The following CHRNA9 variants were observed in gnomAD, a reference collection of about 807,000 sequenced individuals.
The protein encoded by CHRNA9 is cholinergic receptor nicotinic alpha 9 subunit, also known as neuronal acetylcholine receptor subunit alpha-9.
CHRNA9 carries 24 observed loss-of-function variants against 36.8 expected under a neutral mutation model. The observed-to-expected ratio is 0.65, with a 90% CI of 0.47 to 0.92. The LOEUF is 0.92. Among genes scored for constraint, CHRNA9 ranks in the 40% least tolerant of loss-of-function variants. CHRNA9 has a pLI of 0.00. For synonymous variants in CHRNA9, 231 were observed against 231.8 expected, an observed-to-expected ratio of 1.00 and a Z score of 0.03; for missense variants, 610 against 601.2, an observed-to-expected ratio of 1.01 and a Z score of -0.15.
intron 3 of CHRNA9, among the ~76,000 whole-genome samples, chr4:40,339,456 G>A (rs1443979256): frequency 6.6e-6 from 1 of 151,336 alleles, no homozygotes; most frequent in Non-Finnish European, 1.5e-5. Flanking sequence ...GCCGAGGGGG[G>A]CGGATCATGA....
intron 3 of CHRNA9, among the ~76,000 whole-genome samples, chr4:40,343,228 AG>A (rs1485121493): frequency 6.6e-6 from 1 of 152,170 alleles, no homozygotes; most frequent in African/African-American, 2.4e-5. Flanking sequence ...AGAAGAGGAG[AG>A]GGGGCTGCCT....
At chr4:40,348,440 A>G (rs965992458) in intron 3 of CHRNA9, among the ~76,000 whole-genome samples, 1 of 152,250 alleles carries the variant, frequency 6.6e-6, no homozygotes, top group African/African-American at 2.4e-5. Context: ...ATAAACATGT[A>G]CAACTTTTAT....
Position 40,354,291 on chromosome 4 carries a change from TG to T in CHRNA9, c.1214del (p.Gly405AlafsTer20), listed in dbSNP as rs1712890050. On this transcript the variant is annotated frameshift_variant, in exon 5 of 5. Coordinates refer to ENST00000310169, the MANE Select transcript of CHRNA9 (RefSeq NM_017581.4). LOFTEE classifies it high-confidence loss of function. ...KDMNKRLKND[L>X]GCQGKNPQEA... ...ATGAACAAACGCTTAAAGAACGACCTGGGCTGCCAGGGTAAGAACCCTCAGG... is the reference window on the plus strand; with the variant it reads ...ATGAACAAACGCTTAAAGAACGACCTGGCTGCCAGGGTAAGAACCCTCAGG... The T allele has an allele frequency of 6.2e-7, 1 of 1,614,038 alleles. No homozygotes were observed. The highest frequency in any genetic ancestry group is 8.5e-7 in the Non-Finnish European group (1 of 1,180,034).
chr4:40,344,499 AC>A, intron 3 of CHRNA9, among the ~76,000 whole-genome samples: 1 of 151,074 alleles, frequency 6.6e-6, no homozygotes, highest in Non-Finnish European at 1.5e-5. Flanking sequence ...GCACCACTGC[AC>A]CCCAGCCTGG....
At chr4:40,347,633 G>C (rs574596361) in intron 3 of CHRNA9, among the ~76,000 whole-genome samples, 9 of 152,186 alleles carry the variant, frequency 5.9e-5, no homozygotes, top group African/African-American at 1.9e-4. Context: ...TGCAAAGATA[G>C]TGCAGAATTC....
intron 3 of CHRNA9, among the ~76,000 whole-genome samples, chr4:40,342,939 A>G (rs544013822): frequency 6.6e-6 from 1 of 152,034 alleles, no homozygotes; most frequent in African/African-American, 2.4e-5. Flanking sequence ...AGAGGGGGGA[A>G]CTTCTTTTTG....
chr4:40,354,596 T>A lies in CHRNA9; in HGVS notation c.*76T>A. 7.9e-7 allele frequency: 1 copy of A among 1,265,384 alleles called. No individual in the cohort carries two copies. The highest frequency in any genetic ancestry group is 1.1e-6 in the Non-Finnish European group (1 of 908,432). The allele number at this position is 1,265,384 out of a possible 1,614,324, so 78.4% of individuals were successfully genotyped here. On this transcript the variant is annotated 3_prime_UTR_variant, in exon 5 of 5. Transcript: ENST00000310169. ...GATCTATTCCAATGTTCTTCCAAGATTTTTGTTCATCTATAATTTAGGGGT... is the reference window on the plus strand; with the variant it reads ...GATCTATTCCAATGTTCTTCCAAGAATTTTGTTCATCTATAATTTAGGGGT...
intron 3 of CHRNA9, among the ~76,000 whole-genome samples, chr4:40,342,387 CA>C (rs34848297): frequency 1.3e-5 from 2 of 152,008 alleles, no homozygotes; most frequent in Non-Finnish European, 2.9e-5. Context: ...ATAGAGATGC[CA>C]AAAGCCCTTA....
rs370754900 is a variant in CHRNA9, at chr4:40,353,291, G to A, written c.899-688G>A. On this transcript the variant is annotated intron_variant, in intron 4 of 4. Transcript: ENST00000310169. ...AGATCTCTCAAGTTCAGGAGTTCGA[G>A]ACCAGCCTGGCCAAGATGGCGAAAC... Among the ~76,000 whole-genome samples, 18 of 152,292 alleles carry A rather than the reference G, an allele frequency of 1.2e-4. No individual in the cohort carries two copies. In the South Asian group the frequency reaches 3.5e-3, roughly 30 times the overall value.
chr4:40,348,053 G>C (rs576406973), intron 3 of CHRNA9: 1 of 152,380 alleles, frequency 6.6e-6, no homozygotes, highest in East Asian at 1.9e-4. Context: ...AGTGTTCAAG[G>C]CAGGAGGGAC....
At chr4:40,335,773 C>T in intron 1 of CHRNA9, 54 bp from the exon 2 acceptor site, 1 of 1,551,514 alleles carries the variant, frequency 6.4e-7, no homozygotes, top group Non-Finnish European at 8.8e-7. Flanking sequence ...TGTTGTTTGT[C>T]TTGAAATACA....
chr4:40,335,769 T>C, intron 1 of CHRNA9, 58 bp from the exon 2 acceptor site: 3 of 1,536,578 alleles, frequency 2.0e-6, no homozygotes, highest in Non-Finnish European at 2.7e-6. Flanking sequence ...CTTGTGTTGT[T>C]TGTCTTGAAA....
intron 3 of CHRNA9, among the ~76,000 whole-genome samples, chr4:40,340,916 G>A (rs1051432325): frequency 7.6e-6 from 1 of 131,940 alleles, no homozygotes; most frequent in African/African-American, 2.9e-5. Flanking sequence ...AACAAACAAC[G>A]TTCCAGAAGA....
At chr4:40,349,640 A>G in intron 4 of CHRNA9, 1 of 528,294 alleles carries the variant, frequency 1.9e-6, no homozygotes, top group East Asian at 3.0e-5. Context: ...AAGAGCAATG[A>G]AAGACATTAT....
intron 3 of CHRNA9, among the ~76,000 whole-genome samples, chr4:40,339,134 C>T (rs1712416559): frequency 6.6e-6 from 1 of 151,450 alleles, no homozygotes; most frequent in Non-Finnish European, 1.5e-5. Flanking sequence ...AAAAAATCAG[C>T]TGGGTGTGGT....
At chr4:40,335,798 T>G (rs755476861) in intron 1 of CHRNA9, 29 bp from the exon 2 acceptor site, 1 of 1,603,378 alleles carries the variant, frequency 6.2e-7, no homozygotes, top group Non-Finnish European at 8.5e-7. Flanking sequence ...ACACTCTGAA[T>G]GTTAATCCAG....
chr4:40,342,987 C>T (rs1712543603), intron 3 of CHRNA9, among the ~76,000 whole-genome samples: 1 of 152,036 alleles, frequency 6.6e-6, no homozygotes, highest in South Asian at 2.1e-4. Flanking sequence ...GTGAAAGAGA[C>T]ATTGGAGATG....
rs547732270 is a variant in CHRNA9, at chr4:40,340,985, A to G, written c.365+3621A>G. ...AAGATAAGCTCTCCAAAAAAAAAAA[A>G]AAAAAAAAGAACATTTCCCTAATAA... On this transcript the variant is annotated intron_variant, in intron 3 of 4. Transcript: ENST00000310169. 9.1e-4 allele frequency among the ~76,000 whole-genome samples: 138 copies of G among 151,766 alleles called. 1 individual carries two copies. Among genetic ancestry groups the G allele is most frequent in the African/African-American group, 3.2e-3 (131 of 41,372 alleles).
intron 3 of CHRNA9, among the ~76,000 whole-genome samples, chr4:40,342,251 C>T (rs1712518884): frequency 6.6e-6 from 1 of 152,052 alleles, no homozygotes. Flanking sequence ...CGAGGAGAAA[C>T]AGGTTTGGAA....
Sources: allele counts gnomAD v4.1 joint callset (sites outside exome capture counted in the v4.1 genomes callset), GRCh38; gene constraint gnomAD v4.1.1; transcripts MANE v1.5; gene names NCBI Gene and HGNC (gene_info 2026-07-23, HGNC 2026-07-21).